Variants in KMT2C observed in about 807,000 individuals in gnomAD.
The protein encoded by KMT2C is histone-lysine N-methyltransferase 2C.
KMT2C carries 88 observed loss-of-function variants against 507.9 expected under a neutral mutation model. That is an observed-to-expected ratio of 0.17 (90% CI 0.15 to 0.21). The LOEUF is 0.21. Ranked by LOEUF, KMT2C falls within the 10% of genes least tolerant of loss-of-function variation. The pLI is 1.00. For synonymous variants in KMT2C, 2,049 were observed against 2,080.8 expected, an observed-to-expected ratio of 0.98 and a Z score of 0.42; for missense variants, 4,954 against 5,957.8, an observed-to-expected ratio of 0.83 and a Z score of 5.55.
intron 23 of KMT2C, among the ~76,000 whole-genome samples, chr7:152,212,797 T>C (rs1461022090): frequency 6.6e-6 from 1 of 152,194 alleles, no homozygotes; most frequent in Non-Finnish European, 1.5e-5. Context: ...TCCCAGCACT[T>C]TGGGAGGCCA....
intron 2 of KMT2C, among the ~76,000 whole-genome samples, chr7:152,343,613 CCAAA>C (rs1325275650): frequency 3.3e-5 from 5 of 151,774 alleles, no homozygotes; most frequent in South Asian, 4.2e-4. Context: ...GGATAAATGC[CCAAA>C]CAAACTACAC....
In KMT2C at chr7:152,194,274, A is replaced by T. The variant is rs199917150; in HGVS notation, c.4508-13T>A. On this transcript the variant is annotated splice_polypyrimidine_tract_variant and intron_variant, in intron 29 of 58. Transcript: ENST00000262189. ...CCAAGAATTGCTCCTAGAATAAATT[A>T]AAAAAAAAAAAGAAACATTAACAGC... The T allele has an allele frequency of 1.7e-3, 855 of 515,982 alleles. 2 individuals are homozygous for T. The highest frequency in any genetic ancestry group is 7.0e-3 in the African/African-American group (341 of 48,764). 32.0% of individuals were successfully genotyped at this position (515,982 alleles called of 1,614,324 possible).
intron 23 of KMT2C, chr7:152,220,192 AT>A (rs1028593510): frequency 4.7e-4 from 135 of 285,472 alleles, no homozygotes; most frequent in African/African-American, 2.7e-3. Context: ...ACATGGTATT[AT>A]CCAAGCTCAC....
intron 14 of KMT2C, among the ~76,000 whole-genome samples, chr7:152,245,540 T>TC (rs1434950123): frequency 1.3e-5 from 2 of 152,190 alleles, no homozygotes; most frequent in Non-Finnish European, 2.9e-5. Context: ...ACACATATGG[T>TC]CTGCATTATA....
chr7:152,369,338 CAAAAA>C (rs369176050), intron 1 of KMT2C, among the ~76,000 whole-genome samples: 2 of 139,656 alleles, frequency 1.4e-5, no homozygotes, highest in Non-Finnish European at 3.1e-5. Context: ...AAAACAAAAA[CAAAAA>C]AAAAAACAAG....
At chr7:152,184,093 T>G (rs1168316378) in intron 34 of KMT2C, among the ~76,000 whole-genome samples, 3 of 146,600 alleles carry the variant, frequency 2.0e-5, no homozygotes, top group South Asian at 2.2e-4. Context: ...AAAAAAAAAT[T>G]TAGAAAAAAG....
In KMT2C at chr7:152,337,174, G is replaced by A. The variant is rs929495452; in HGVS notation, c.251-6435C>T. On this transcript the variant is annotated intron_variant, in intron 2 of 58. Coordinates refer to ENST00000262189, the MANE Select transcript of KMT2C (RefSeq NM_170606.3). ...AGACCCAGCTATTCAGGAGGCTGAG[G>A]TGGAAGAATCACTTGAGCCTGGGAG... Among the ~76,000 whole-genome samples the A allele has an allele frequency of 4.6e-5, 7 of 152,284 alleles. No individual in the cohort carries two copies. The East Asian group carries it at 7.7e-4, about 17-fold the overall frequency.
In KMT2C at chr7:152,332,743, G is replaced by A. The variant is rs201900657; in HGVS notation, c.251-2004C>T. On this transcript the variant is annotated intron_variant, in intron 2 of 58. Coordinates refer to ENST00000262189, the MANE Select transcript of KMT2C (RefSeq NM_170606.3). ...CATGCCTGTAATCCCAGCTACTCGG[G>A]AGGCTGAGGCAGGAGAATTGCTTAA... Among the ~76,000 whole-genome samples the A allele has an allele frequency of 5.4e-4, 82 of 152,188 alleles. No individual in the cohort carries two copies. In the East Asian group the frequency reaches 0.012, roughly 22 times the overall value.
intron 2 of KMT2C, among the ~76,000 whole-genome samples, chr7:152,345,880 TTAACTA>T (rs1187369632): frequency 1.3e-5 from 2 of 152,114 alleles, no homozygotes; most frequent in Non-Finnish European, 2.9e-5. Flanking sequence ...AAACCCCACT[TTAACTA>T]TAATATAAAG....
chr7:152,218,594 AAAATAT>A (rs1193568432), intron 23 of KMT2C, among the ~76,000 whole-genome samples: 4 of 152,200 alleles, frequency 2.6e-5, no homozygotes, highest in Non-Finnish European at 5.9e-5. Flanking sequence ...TGTTCCTCTT[AAAATAT>A]AAATAAGATC....
intron 46 of KMT2C, chr7:152,154,848 A>C (rs2091926340): frequency 6.2e-6 from 1 of 160,746 alleles, no homozygotes; most frequent in South Asian, 1.9e-4. Context: ...AAACTTTAAA[A>C]AGACAAAAAA....
intron 1 of KMT2C, among the ~76,000 whole-genome samples, chr7:152,375,623 T>C (rs531701094): frequency 2.4e-4 from 37 of 152,054 alleles, no homozygotes; most frequent in African/African-American, 8.9e-4. Flanking sequence ...TGACCTCAGG[T>C]GATCCACCCG....
At chr7:152,201,305 C>T (rs865943842) in intron 26 of KMT2C, among the ~76,000 whole-genome samples, 2 of 149,218 alleles carry the variant, frequency 1.3e-5, no homozygotes, top group Non-Finnish European at 3.0e-5. Context: ...CACACACACA[C>T]ACACACACAC....
In KMT2C at chr7:152,148,599, T is replaced by C. The variant is rs2129095444; in HGVS notation, c.13328A>G (p.Gln4443Arg). The C allele has an allele frequency of 6.2e-7, 1 of 1,614,206 alleles. No individual in the cohort carries two copies. The highest frequency in any genetic ancestry group is 8.5e-7 in the Non-Finnish European group (1 of 1,180,020). ...CTCCACATTTATTAAGGCACCAGCCTGAGTCTCATAGACCTCCGTGGACCA... is the reference window on the plus strand; with the variant it reads ...CTCCACATTTATTAAGGCACCAGCCCGAGTCTCATAGACCTCCGTGGACCA... ...ALWSTEVYET[Q>R]AGALINVELA... Residue 4443 changes from glutamine (Q) to arginine (R), a missense_variant, in exon 52 of 59, where the codon CAG becomes CGG. Coordinates refer to ENST00000262189, the MANE Select transcript of KMT2C (RefSeq NM_170606.3). This position sits in a 1 kb window ranked among gnomAD's most constrained non-coding sequence, Gnocchi z 7.1.
chr7:152,181,907 A>T lies in KMT2C; in HGVS notation c.5953T>A (p.Ser1985Thr). The change falls in exon 36 of 59, where the codon TCC becomes ACC. Residue 1985 changes from serine to threonine, a missense_variant. Around this residue, in one of 29 missense-constraint regions of KMT2C, gnomAD observed 1,689 missense variants for 1,654.3 expected, o/e 1.02. Transcript: ENST00000262189. Reference protein sequence around the residue: ...TDQFPKSLGLSRSPVVSEQTA... With the variant: ...TDQFPKSLGLTRSPVVSEQTA... ...TGTTCTGAAACTACAGGAGACCGGGATAGGCCCAAGGATTTGGGAAATTGA... is the reference window on the plus strand; with the variant it reads ...TGTTCTGAAACTACAGGAGACCGGGTTAGGCCCAAGGATTTGGGAAATTGA... 6.2e-7 allele frequency: 1 copy of T among 1,614,202 alleles called. No homozygotes were observed. The highest frequency in any genetic ancestry group is 8.5e-7 in the Non-Finnish European group (1 of 1,180,042).
chr7:152,331,802 C>T (rs1322615667), intron 2 of KMT2C, among the ~76,000 whole-genome samples: 2 of 151,832 alleles, frequency 1.3e-5, no homozygotes, highest in African/African-American at 2.4e-5. Flanking sequence ...GCGCCCACCA[C>T]CATGCCTGGC....
chr7:152,391,613 T>C (rs1166407223), intron 1 of KMT2C, among the ~76,000 whole-genome samples: 1 of 149,294 alleles, frequency 6.7e-6, no homozygotes, highest in Admixed American at 6.7e-5. Flanking sequence ...CACAGCTCAC[T>C]GCAACCTCTG....
intron 6 of KMT2C, among the ~76,000 whole-genome samples, chr7:152,290,220 A>ATGTG (rs71198772): frequency 0.024 from 2,058 of 86,092 alleles, 55 homozygotes; most frequent in South Asian, 0.047. Context: ...TTATATATAT[A>ATGTG]TGTGTGTGTG....
chr7:152,435,275 G>C (rs1419731190), intron 1 of KMT2C, among the ~76,000 whole-genome samples: 3 of 152,016 alleles, frequency 2.0e-5, no homozygotes, highest in Non-Finnish European at 1.5e-5. Flanking sequence ...GGCGCGCTCC[G>C]GGCTTGTTTT....
Sources: gnomAD v4.1 joint callset for allele counts (sites outside exome capture counted in the v4.1 genomes callset) on GRCh38, gnomAD v4.1.1 for gene constraint, gnomAD v4.1.1 regional missense constraint, Gnocchi (gnomAD v3.1) non-coding constraint, MANE v1.5 for transcripts, NCBI Gene and HGNC (gene_info 2026-07-23, HGNC 2026-07-21) for gene names.